The following SH3KBP1 variants were observed in gnomAD, a reference collection of about 807,000 sequenced individuals.
SH3KBP1 encodes SH3 domain-containing kinase-binding protein 1.
In SH3KBP1, 8 loss-of-function variants were observed where a neutral mutation model predicts 50.1. That is an observed-to-expected ratio of 0.16 (90% CI 0.09 to 0.29). The LOEUF (loss-of-function observed/expected upper bound fraction) is 0.29, where lower values mean the gene tolerates loss of function less well. Ranked by LOEUF, SH3KBP1 falls within the 10% of genes least tolerant of loss-of-function variation. The probability of loss-of-function intolerance (pLI) is 1.00; values close to 1 mark genes in which losing one functional copy is unlikely to be tolerated. For missense variants in SH3KBP1, 377 were observed against 535.2 expected, an observed-to-expected ratio of 0.70 and a Z score of 2.92; for synonymous variants, 227 against 218.6, an observed-to-expected ratio of 1.04 and a Z score of -0.34.
At chrX:19,732,992 G>T (rs1415380147) in intron 3 of SH3KBP1, among the ~76,000 whole-genome samples, 3 of 111,829 alleles carry the variant, frequency 2.7e-5, no homozygotes, top group Admixed American at 9.5e-5. Context: ...GACATCCCAT[G>T]TCACTGGCTG....
chrX:19,624,386 A>G (rs953116394), intron 8 of SH3KBP1, among the ~76,000 whole-genome samples: 57 of 111,914 alleles, frequency 5.1e-4, no homozygotes, highest in African/African-American at 1.8e-3. Flanking sequence ...AGATATGACA[A>G]TTAGGTTGAA....
intron 5 of SH3KBP1, among the ~76,000 whole-genome samples, chrX:19,688,728 A>G (rs2063221521): frequency 9.0e-6 from 1 of 111,194 alleles, no homozygotes; most frequent in African/African-American, 3.3e-5. Context: ...ATTAATAAAC[A>G]TATTACTTTA....
At chrX:19,770,557 C>T (rs1209125565) in intron 2 of SH3KBP1, among the ~76,000 whole-genome samples, 1 of 111,649 alleles carries the variant, frequency 9.0e-6, no homozygotes, top group East Asian at 2.8e-4. Flanking sequence ...GGTATATACC[C>T]AGTAATGGGA....
intron 1 of SH3KBP1, among the ~76,000 whole-genome samples, chrX:19,850,815 T>G (rs1166267658): frequency 9.1e-6 from 1 of 110,408 alleles, no homozygotes; most frequent in African/African-American, 3.3e-5. Context: ...TGTACCCGCC[T>G]GGTACTCCAC....
At chrX:19,772,484 T>A (rs189022257) in intron 2 of SH3KBP1, among the ~76,000 whole-genome samples, 1 of 108,993 alleles carries the variant, frequency 9.2e-6, no homozygotes, top group Non-Finnish European at 1.9e-5. Context: ...TTGTTTTTTG[T>A]TTTTTTTTAG....
chrX:19,637,457 T>C (rs1223739359), intron 7 of SH3KBP1, among the ~76,000 whole-genome samples: 1 of 111,649 alleles, frequency 9.0e-6, no homozygotes, highest in Non-Finnish European at 1.9e-5. Context: ...ACAGTGAAGA[T>C]AGGATGAGAG....
Position 19,536,275 on chromosome X carries a change from T to C in SH3KBP1, c.*142A>G. 1 of 418,158 alleles carries C rather than the reference T, an allele frequency of 2.4e-6. No individual in the cohort carries two copies. The highest frequency in any genetic ancestry group is 4.0e-5 in the East Asian group (1 of 24,957). 34.5% of individuals were successfully genotyped at this position (418,158 alleles called of 1,213,427 possible). On this transcript the variant is annotated 3_prime_UTR_variant, in exon 18 of 18. Coordinates refer to ENST00000397821, the MANE Select transcript of SH3KBP1 (RefSeq NM_031892.3). ...CTTGGATGGAATTTGTGTTGTGCTA[T>C]CAAGACTTTTGTGCTAATCTTTCAA...
intron 1 of SH3KBP1, among the ~76,000 whole-genome samples, chrX:19,864,492 G>A (rs756680819): frequency 8.9e-6 from 1 of 112,106 alleles, no homozygotes; most frequent in Non-Finnish European, 1.9e-5. Context: ...GGGGGCACAG[G>A]AGAGAAGATC....
At chrX:19,791,499 T>C (rs777105463) in intron 2 of SH3KBP1, among the ~76,000 whole-genome samples, 10 of 104,254 alleles carry the variant, frequency 9.6e-5, no homozygotes, top group Non-Finnish European at 1.7e-4. Context: ...TTTTTGTATT[T>C]CAATATTTGT....
chrX:19,826,622 G>A (rs1393591771), intron 2 of SH3KBP1, among the ~76,000 whole-genome samples: 4 of 110,751 alleles, frequency 3.6e-5, no homozygotes, highest in Non-Finnish European at 7.5e-5. Flanking sequence ...GGTTGAGGCT[G>A]CAGTGAGCCA....
In SH3KBP1 at chrX:19,666,782, G is replaced by A. The variant is rs143174406; in HGVS notation, c.726+17041C>T. On this transcript the variant is annotated intron_variant, in intron 6 of 17. Coordinates refer to ENST00000397821, the MANE Select transcript of SH3KBP1 (RefSeq NM_031892.3). ...AACAATGCAGCCACTGTAGAAAACA[G>A]TAGGGCAGTTCCCCCAAAAATTTAA... 9.4e-3 allele frequency among the ~76,000 whole-genome samples: 1,053 copies of A among 111,661 alleles called. 5 individuals are homozygous for A. Among genetic ancestry groups the A allele is most frequent in the Non-Finnish European group, 0.016 (838 of 53,053 alleles).
chrX:19,832,855 G>A (rs1314688804), intron 2 of SH3KBP1, among the ~76,000 whole-genome samples: 2 of 111,922 alleles, frequency 1.8e-5, no homozygotes, highest in African/African-American at 3.2e-5. Flanking sequence ...CGAGCAGGGG[G>A]AGGGTCAGGT....
chrX:19,695,564 C>T, intron 5 of SH3KBP1, 48 bp downstream of exon 5: 1 of 1,196,331 alleles, frequency 8.4e-7, no homozygotes. Flanking sequence ...GGAGCACAGC[C>T]TGCCGGTCCC....
At chrX:19,676,141 A>G (rs2062923032) in intron 6 of SH3KBP1, among the ~76,000 whole-genome samples, 1 of 111,926 alleles carries the variant, frequency 8.9e-6, no homozygotes, top group African/African-American at 3.3e-5. Context: ...GATAATCACA[A>G]CAAGGTTTTG....
At chrX:19,577,830 A>G (rs758160151) in intron 12 of SH3KBP1, among the ~76,000 whole-genome samples, 1 of 111,584 alleles carries the variant, frequency 9.0e-6, no homozygotes, top group East Asian at 2.8e-4. Flanking sequence ...CTACTGAACC[A>G]GAGTCCAAGT....
At position 19,856,808 on chromosome X, in the gene SH3KBP1, T is replaced by C. The variant is rs750882186; in HGVS notation, c.5-20526A>G. ...TGAAGGTGCCCAATCCATGGTACTT[T>C]GTTCTGGCAGCCCTACAAAACTAAC... On this transcript the variant is annotated intron_variant, in intron 1 of 17. Transcript: ENST00000397821. Among the ~76,000 whole-genome samples, 14 of 110,101 alleles carry C rather than the reference T, an allele frequency of 1.3e-4. No individual in the cohort carries two copies. The East Asian group carries it at 3.7e-3, about 29-fold the overall frequency.
intron 2 of SH3KBP1, among the ~76,000 whole-genome samples, chrX:19,779,927 C>A (rs2066116475): frequency 9.2e-6 from 1 of 108,700 alleles, no homozygotes; most frequent in Non-Finnish European, 1.9e-5. Flanking sequence ...ATTTATAGTC[C>A]TTTGGGTATA....
At chrX:19,746,196 C>G (rs1013009539) in intron 3 of SH3KBP1, 122 bp downstream of exon 3, 7 of 861,608 alleles carry the variant, frequency 8.1e-6, no homozygotes, top group Admixed American at 2.9e-5. Context: ...AAAATATATA[C>G]CAAAAACCAA....
intron 1 of SH3KBP1, among the ~76,000 whole-genome samples, chrX:19,877,016 A>T (rs1268333128): frequency 9.0e-6 from 1 of 111,442 alleles, no homozygotes; most frequent in Non-Finnish European, 1.9e-5. Flanking sequence ...AGCCAAAAGC[A>T]GCAATTAAGC....
Sources: gnomAD v4.1 joint callset for allele counts (sites outside exome capture counted in the v4.1 genomes callset) on GRCh38, gnomAD v4.1.1 for gene constraint, MANE v1.5 for transcripts, NCBI Gene and HGNC (gene_info 2026-07-23, HGNC 2026-07-21) for gene names.